EVI5: variants seen among roughly 807,000 people sequenced by gnomAD.
EVI5 encodes ecotropic viral integration site 5 protein homolog.
A neutral mutation model predicts 112.0 loss-of-function variants in EVI5; 73 were observed. That is an observed-to-expected ratio of 0.65 (90% CI 0.54 to 0.79). EVI5 has a LOEUF of 0.79. Among genes scored for constraint, EVI5 ranks in the 30% least tolerant of loss-of-function variants. The probability of loss-of-function intolerance (pLI) is 0.00; values close to 1 mark genes in which losing one functional copy is unlikely to be tolerated. For missense variants in EVI5, 900 were observed against 968.8 expected (o/e 0.93, Z 0.94); for synonymous variants, 305 against 319.9 (o/e 0.95, Z 0.50).
At chr1:92,665,137 G>A (rs1475915924) in intron 11 of EVI5, among the ~76,000 whole-genome samples, 1 of 152,090 alleles carries the variant, frequency 6.6e-6, no homozygotes, top group African/African-American at 2.4e-5. Flanking sequence ...CCTGGGAGGA[G>A]GAGGCTGCAG....
rs529309059 is a variant in EVI5, at chr1:92,530,105, T to A, written c.2167-16135A>T. ...CTTGATGGTAGGGATTATTTCTTAA[T>A]CATATTTATATCCTAGAACTTAGTA... On this transcript the variant is annotated intron_variant, in intron 19 of 19. Coordinates refer to ENST00000684568, the MANE Select transcript of EVI5 (RefSeq NM_001350197.2). Among the ~76,000 whole-genome samples, 17 of 152,304 alleles carry A rather than the reference T, an allele frequency of 1.1e-4. No homozygotes were observed. The South Asian group carries it at 3.3e-3, about 30-fold the overall frequency.
chr1:92,594,037 C>A (rs1289736113), intron 18 of EVI5, among the ~76,000 whole-genome samples: 5 of 152,136 alleles, frequency 3.3e-5, no homozygotes, highest in Non-Finnish European at 5.9e-5. Context: ...ATCAAGCTAC[C>A]AATGACTTTC....
upstream of EVI5, among the ~76,000 whole-genome samples, chr1:92,787,047 C>T (rs954849928): frequency 6.6e-6 from 1 of 152,124 alleles, no homozygotes; most frequent in African/African-American, 2.4e-5. Context: ...CCTTTCACAT[C>T]GCATGAAACT....
chr1:92,515,988 C>T lies in EVI5; in HGVS notation c.2167-2018G>A, dbSNP rs572100116. Among the ~76,000 whole-genome samples, 12 of 152,220 alleles carry T rather than the reference C, an allele frequency of 7.9e-5. 1 individual carries two copies. Among genetic ancestry groups the T allele is most frequent in the African/African-American group, 2.9e-4 (12 of 41,508 alleles). On this transcript the variant is annotated intron_variant, in intron 19 of 19. Transcript: ENST00000684568. ...ATTTAAATAATACCATTCTCCTTGGCAGAACAGAGGGATCTATACTTGGAG... is the reference window on the plus strand; with the variant it reads ...ATTTAAATAATACCATTCTCCTTGGTAGAACAGAGGGATCTATACTTGGAG...
chr1:92,610,218 G>A (rs1651445219), intron 16 of EVI5, among the ~76,000 whole-genome samples: 1 of 152,084 alleles, frequency 6.6e-6, no homozygotes, highest in Non-Finnish European at 1.5e-5. Flanking sequence ...AAATAAGTCT[G>A]TCTACAAAAT....
intron 10 of EVI5, among the ~76,000 whole-genome samples, chr1:92,675,238 G>A (rs1666531151): frequency 6.6e-6 from 1 of 152,156 alleles, no homozygotes; most frequent in African/African-American, 2.4e-5. Context: ...CAGCTACTTA[G>A]GAGGCTGAGG....
chr1:92,622,092 C>A (rs573333696), intron 16 of EVI5, among the ~76,000 whole-genome samples: 11 of 151,272 alleles, frequency 7.3e-5, no homozygotes, highest in African/African-American at 2.7e-4. Flanking sequence ...TGCACTCCAG[C>A]CTGGGCGACA....
chr1:92,618,602 G>A (rs1653774589), intron 16 of EVI5, among the ~76,000 whole-genome samples: 1 of 152,166 alleles, frequency 6.6e-6, no homozygotes, highest in Non-Finnish European at 1.5e-5. Flanking sequence ...CCCAATCCAG[G>A]CAGGACTACA....
chr1:92,673,207 T>G (rs935994777), intron 10 of EVI5, among the ~76,000 whole-genome samples: 1 of 147,992 alleles, frequency 6.8e-6, no homozygotes, highest in East Asian at 2.0e-4. Context: ...TTTTTTCATT[T>G]TTATGCCAGG....
intron 19 of EVI5, among the ~76,000 whole-genome samples, chr1:92,552,897 G>C (rs181296058): frequency 2.7e-5 from 4 of 150,654 alleles, no homozygotes; most frequent in Admixed American, 1.3e-4. Flanking sequence ...TCTCCTACTA[G>C]ATCTTTGTGT....
intron 10 of EVI5, among the ~76,000 whole-genome samples, chr1:92,676,424 T>A (rs1048472953): frequency 3.6e-5 from 1 of 27,468 alleles, no homozygotes. Flanking sequence ...GGGTAGGGGG[T>A]GGAGGGGAAT....
upstream of EVI5, among the ~76,000 whole-genome samples, chr1:92,785,645 C>T (rs1201448305): frequency 6.6e-6 from 1 of 152,198 alleles, no homozygotes; most frequent in African/African-American, 2.4e-5. Flanking sequence ...TAAGATTCAG[C>T]CGGGCAGCCC....
chr1:92,716,947 G>C (rs1673809779), intron 2 of EVI5, among the ~76,000 whole-genome samples: 1 of 151,898 alleles, frequency 6.6e-6, no homozygotes, highest in Non-Finnish European at 1.5e-5. Flanking sequence ...GGAGATGACA[G>C]AAATAGGCTT....
upstream of EVI5, among the ~76,000 whole-genome samples, chr1:92,786,887 C>G (rs899293510): frequency 6.6e-5 from 10 of 152,312 alleles, 1 homozygote; most frequent in Admixed American, 3.9e-4. Context: ...CTCTTTTATT[C>G]CCTATTTACC....
chr1:92,709,470 G>A (rs758732775), intron 2 of EVI5, among the ~76,000 whole-genome samples: 14 of 151,982 alleles, frequency 9.2e-5, no homozygotes, highest in Non-Finnish European at 1.6e-4. Flanking sequence ...TTTTAAAACC[G>A]TAACTATTAC....
In EVI5 at chr1:92,736,524, G is replaced by A; in HGVS notation, c.23C>T (p.Pro8Leu). 1 of 1,613,704 alleles carries A rather than the reference G, an allele frequency of 6.2e-7. No homozygotes were observed. Among genetic ancestry groups the A allele is most frequent in the Non-Finnish European group, 8.5e-7 (1 of 1,179,694 alleles). Residue 8 changes from proline (P) to leucine (L), a missense_variant, in exon 2 of 20, where the codon CCA becomes CTA. Pro to Leu is a moderately conservative substitution (Grantham distance 98). Coordinates refer to ENST00000684568, the MANE Select transcript of EVI5 (RefSeq NM_001350197.2). ...GGATGTGGTATGTAATGAAGTAGAT[G>A]GACTTGCCACCTGACTGGCCATCTG... is the stretch of plus-strand genomic sequence containing the variant. MASQVASPSTSLHTTSSS... is the reference protein window; with the variant it reads MASQVASLSTSLHTTSSS...
At chr1:92,611,564 T>G (rs1355117807) in intron 16 of EVI5, among the ~76,000 whole-genome samples, 5 of 147,436 alleles carry the variant, frequency 3.4e-5, no homozygotes, top group Non-Finnish European at 6.0e-5. Flanking sequence ...TAGCCAGGCG[T>G]GATGGCGGGC....
intron 13 of EVI5, among the ~76,000 whole-genome samples, chr1:92,662,346 A>C (rs1664170771): frequency 6.6e-6 from 1 of 152,236 alleles, no homozygotes; most frequent in African/African-American, 2.4e-5. Flanking sequence ...ACAATGAACA[A>C]AAACTAGCTG....
At chr1:92,528,278 C>T (rs938974918) in intron 19 of EVI5, among the ~76,000 whole-genome samples, 3 of 152,164 alleles carry the variant, frequency 2.0e-5, no homozygotes, top group Non-Finnish European at 4.4e-5. Flanking sequence ...AAAATGGCTT[C>T]GCAGTATCGA....
Sources: allele counts gnomAD v4.1 joint callset (sites outside exome capture counted in the v4.1 genomes callset), GRCh38; gene constraint gnomAD v4.1.1; transcripts MANE v1.5; gene names NCBI Gene and HGNC (gene_info 2026-07-23, HGNC 2026-07-21).